The following HS2ST1 variants were observed in gnomAD, a reference collection of about 807,000 sequenced individuals.
HS2ST1 encodes heparan sulfate 2-O-sulfotransferase 1.
A neutral mutation model predicts 42.9 loss-of-function variants in HS2ST1; 18 were observed. That is an observed-to-expected ratio of 0.42 (90% CI 0.29 to 0.62). The LOEUF is 0.62. Among genes scored for constraint, HS2ST1 ranks in the 20% least tolerant of loss-of-function variants. HS2ST1 has a pLI of 0.21. For synonymous variants in HS2ST1, 146 were observed against 152.9 expected, an observed-to-expected ratio of 0.95 and a Z score of 0.33; for missense variants, 334 against 433.8, an observed-to-expected ratio of 0.77 and a Z score of 2.04.
In HS2ST1 at chr1:87,001,177, A is replaced by G. The variant is rs1639267787; in HGVS notation, c.125-71757A>G. ...GCCAAAATGTTGTGTGGAGATAATC[A>G]GGAGAAGAGAGGTGCTGTATGTGAA... is the stretch of plus-strand genomic sequence containing the variant. On this transcript the variant is annotated intron_variant, in intron 1 of 6. Coordinates refer to ENST00000370550, the MANE Select transcript of HS2ST1 (RefSeq NM_012262.4). Among the ~76,000 whole-genome samples the G allele has an allele frequency of 2.0e-5, 3 of 152,326 alleles. No individual in the cohort carries two copies. In the South Asian group the frequency reaches 6.2e-4, roughly 32 times the overall value.
intron 1 of HS2ST1, among the ~76,000 whole-genome samples, chr1:86,932,043 G>A (rs1268721636): frequency 6.6e-6 from 1 of 151,450 alleles, no homozygotes; most frequent in African/African-American, 2.4e-5. Flanking sequence ...CAAAGTGTTG[G>A]GATTACAAGC....
intron 4 of HS2ST1, among the ~76,000 whole-genome samples, chr1:87,093,816 T>C (rs1157803646): frequency 6.7e-6 from 1 of 150,312 alleles, no homozygotes; most frequent in African/African-American, 2.5e-5. Flanking sequence ...TCTAAGTTAG[T>C]TATACCCTCT....
chr1:87,097,447 G>T (rs909056403), intron 4 of HS2ST1, among the ~76,000 whole-genome samples: 1 of 152,230 alleles, frequency 6.6e-6, no homozygotes, highest in Admixed American at 6.5e-5. Flanking sequence ...AGGCTGGAGT[G>T]CAGTGTCTCC....
rs542993975 is a variant in HS2ST1, at chr1:87,104,908, C to T, written c.*212C>T. On this transcript the variant is annotated 3_prime_UTR_variant, in exon 7 of 7. Coordinates refer to ENST00000370550, the MANE Select transcript of HS2ST1 (RefSeq NM_012262.4). ...GGCATTTTTATTTTTCCTGGCTAAA[C>T]GTTGGTGAAAGTTATAACCTCCTGC... The T allele has an allele frequency of 1.9e-4, 93 of 482,296 alleles. No homozygotes were observed. The highest frequency in any genetic ancestry group is 1.6e-3 in the African/African-American group (82 of 51,210). 29.9% of individuals were successfully genotyped at this position (482,296 alleles called of 1,614,324 possible). A position where few individuals can be genotyped will look rare whatever the true frequency, so the allele number is the denominator to read the frequency against.
At position 87,073,149 on chromosome 1, in the gene HS2ST1, C is replaced by G. The variant is rs1351483004; in HGVS notation, c.340C>G (p.Pro114Ala). The change falls in exon 2 of 7, where the codon CCA becomes GCA. Residue 114 changes from proline to alanine, a missense_variant. By Grantham distance (27) the Pro-to-Ala change is conservative. Coordinates refer to ENST00000370550, the MANE Select transcript of HS2ST1 (RefSeq NM_012262.4). ...VLHINTTKNN[P>A]VMSLQDQVRF... ...TCATATCAACACTACCAAAAATAAT[C>G]CAGTGATGTCATTGCAAGATCAGGT... 1 of 1,608,370 alleles carries G rather than the reference C, an allele frequency of 6.2e-7. No individual in the cohort carries two copies. The highest frequency in any genetic ancestry group is 8.5e-7 in the Non-Finnish European group (1 of 1,174,928).
intron 3 of HS2ST1, among the ~76,000 whole-genome samples, chr1:87,085,125 C>T (rs1410998316): frequency 6.6e-6 from 1 of 152,152 alleles, no homozygotes; most frequent in Non-Finnish European, 1.5e-5. Flanking sequence ...TGGTAGTACA[C>T]ATAGTACCAT....
intron 1 of HS2ST1, among the ~76,000 whole-genome samples, chr1:87,011,235 T>TA: frequency 6.6e-6 from 1 of 152,236 alleles, no homozygotes; most frequent in African/African-American, 2.4e-5. Flanking sequence ...TTTTACTTTT[T>TA]ACCAAAATTT....
chr1:87,014,948 CAAAT>C (rs1274739364), intron 1 of HS2ST1, among the ~76,000 whole-genome samples: 3 of 152,294 alleles, frequency 2.0e-5, no homozygotes, highest in South Asian at 2.1e-4. Context: ...ATGCTCTTTC[CAAAT>C]AAATATCTTT....
intron 1 of HS2ST1, among the ~76,000 whole-genome samples, chr1:86,941,984 T>A (rs995076366): frequency 2.0e-5 from 3 of 152,230 alleles, no homozygotes; most frequent in Non-Finnish European, 4.4e-5. Context: ...CTTAATACTG[T>A]ACTTAGAGGT....
chr1:87,055,613 T>TTTATC (rs1650945794), intron 1 of HS2ST1, among the ~76,000 whole-genome samples: 1 of 152,232 alleles, frequency 6.6e-6, no homozygotes, highest in Admixed American at 6.5e-5. Context: ...TTATAGAAGT[T>TTTATC]GTTCTGAAAG....
At chr1:86,919,005 G>T (rs1333172754) in intron 1 of HS2ST1, among the ~76,000 whole-genome samples, 1 of 149,014 alleles carries the variant, frequency 6.7e-6, no homozygotes, top group East Asian at 2.0e-4. Flanking sequence ...TTTGAGATGA[G>T]CCTTGCTGTC....
intron 5 of HS2ST1, 70 bp downstream of exon 5, chr1:87,098,005 C>T: frequency 3.1e-6 from 5 of 1,604,844 alleles, no homozygotes; most frequent in South Asian, 2.2e-5. Flanking sequence ...TTTCATTTCA[C>T]AAGGGCTAGA....
At chr1:87,103,342 C>T (rs1047716118) in intron 5 of HS2ST1, 90 bp from the exon 6 acceptor site, 1 of 1,184,416 alleles carries the variant, frequency 8.4e-7, no homozygotes. Context: ...ATGTGTTTAT[C>T]TATTTTCTCT....
At chr1:86,952,989 C>G (rs1647569096) in intron 1 of HS2ST1, among the ~76,000 whole-genome samples, 2 of 151,994 alleles carry the variant, frequency 1.3e-5, no homozygotes, top group South Asian at 4.2e-4. Flanking sequence ...CCATCTTCTT[C>G]CAGTACAATG....
chr1:87,061,943 T>C (rs1436290115), intron 1 of HS2ST1, among the ~76,000 whole-genome samples: 1 of 151,882 alleles, frequency 6.6e-6, no homozygotes, highest in East Asian at 1.9e-4. Context: ...AAGTTTTTGG[T>C]TTATCTGTTT....
intron 1 of HS2ST1, among the ~76,000 whole-genome samples, chr1:86,942,694 T>C (rs1414962718): frequency 6.6e-6 from 1 of 152,174 alleles, no homozygotes; most frequent in Non-Finnish European, 1.5e-5. Context: ...CTATTTGAAG[T>C]TGAGGCAATG....
intron 1 of HS2ST1, among the ~76,000 whole-genome samples, chr1:87,030,268 C>T (rs1228714072): frequency 6.6e-6 from 1 of 152,064 alleles, no homozygotes; most frequent in African/African-American, 2.4e-5. Flanking sequence ...ATTACCTATC[C>T]ACTGGAGGAT....
intron 1 of HS2ST1, among the ~76,000 whole-genome samples, chr1:86,970,643 C>T (rs146560330): frequency 0.024 from 3,612 of 152,284 alleles, 66 homozygotes; most frequent in Middle Eastern, 0.044. Context: ...ATCCACCCTC[C>T]TTGGCCTCCC....
At chr1:86,981,056 G>A (rs6676600) in intron 1 of HS2ST1, among the ~76,000 whole-genome samples, 148,719 of 152,214 alleles carry the variant, frequency 0.98, 72,702 homozygotes, top group Middle Eastern at 1. Flanking sequence ...GGTGGAAGGC[G>A]AAGGGGAGGA....
Sources: allele counts gnomAD v4.1 joint callset (sites outside exome capture counted in the v4.1 genomes callset), GRCh38; gene constraint gnomAD v4.1.1; transcripts MANE v1.5; gene names NCBI Gene and HGNC (gene_info 2026-07-23, HGNC 2026-07-21).